The following CACNA2D3 variants were observed in gnomAD, a reference collection of about 807,000 sequenced individuals.
CACNA2D3 encodes voltage-dependent calcium channel subunit alpha-2/delta-3.
Under a neutral mutation model 160.6 loss-of-function variants are expected in CACNA2D3, and 60 were observed. The observed-to-expected ratio is 0.37, with a 90% CI of 0.30 to 0.46. The LOEUF (loss-of-function observed/expected upper bound fraction) is 0.46, where lower values mean the gene tolerates loss of function less well. Ranked by LOEUF, CACNA2D3 falls within the 20% of genes least tolerant of loss-of-function variation. CACNA2D3 has a pLI of 1.00. For synonymous variants in CACNA2D3, 558 were observed against 492.9 expected (o/e 1.13, Z -1.75); for missense variants, 1,205 against 1,365.0 (o/e 0.88, Z 1.85).
At chr3:55,024,366 C>T (rs966649116) in intron 35 of CACNA2D3, among the ~76,000 whole-genome samples, 21 of 151,918 alleles carry the variant, frequency 1.4e-4, no homozygotes, top group African/African-American at 4.8e-4. Context: ...GTAACATGTG[C>T]ATAAGGCTAT....
At chr3:54,251,934 C>T (rs545787225) in intron 2 of CACNA2D3, among the ~76,000 whole-genome samples, 7 of 152,238 alleles carry the variant, frequency 4.6e-5, no homozygotes, top group African/African-American at 7.2e-5. Flanking sequence ...TTTACTGTTC[C>T]AGCTTGCCTG....
intron 4 of CACNA2D3, among the ~76,000 whole-genome samples, chr3:54,478,960 A>G (rs1575479891): frequency 6.6e-6 from 1 of 151,774 alleles, no homozygotes; most frequent in South Asian, 2.1e-4. Context: ...AACCCATCTC[A>G]TATATAGGTG....
intron 21 of CACNA2D3, among the ~76,000 whole-genome samples, chr3:54,883,704 A>T (rs527670349): frequency 1.3e-5 from 2 of 151,658 alleles, no homozygotes; most frequent in African/African-American, 4.8e-5. Context: ...TCCTTCTGCC[A>T]TGAGCACCCT....
At chr3:54,744,014 T>G (rs946629992) in intron 11 of CACNA2D3, among the ~76,000 whole-genome samples, 1 of 152,186 alleles carries the variant, frequency 6.6e-6, no homozygotes, top group Non-Finnish European at 1.5e-5. Context: ...TTACATGTGG[T>G]CATGCAAAGG....
intron 2 of CACNA2D3, among the ~76,000 whole-genome samples, chr3:54,169,225 A>G (rs1700511563): frequency 6.6e-6 from 1 of 152,230 alleles, no homozygotes; most frequent in South Asian, 2.1e-4. Flanking sequence ...GCTGAAATAG[A>G]TCAGTGTCTG....
chr3:54,264,350 C>T (rs950556035), intron 2 of CACNA2D3, among the ~76,000 whole-genome samples: 2 of 152,314 alleles, frequency 1.3e-5, no homozygotes, highest in Admixed American at 1.3e-4. Context: ...AAGTTAACCA[C>T]AGTGTCTGTG....
intron 17 of CACNA2D3, among the ~76,000 whole-genome samples, chr3:54,857,782 C>T (rs1192816303): frequency 6.6e-6 from 1 of 152,160 alleles, no homozygotes; most frequent in Non-Finnish European, 1.5e-5. Context: ...TTTGAGTGCT[C>T]TCACATAGGC....
intron 5 of CACNA2D3, among the ~76,000 whole-genome samples, chr3:54,534,829 T>G (rs892211668): frequency 1.3e-5 from 2 of 151,908 alleles, no homozygotes; most frequent in East Asian, 3.9e-4. Context: ...TAAGAGGCTG[T>G]GGTGGGAGAA....
intron 11 of CACNA2D3, among the ~76,000 whole-genome samples, chr3:54,716,638 C>T (rs1238766399): frequency 1.3e-5 from 2 of 152,090 alleles, no homozygotes; most frequent in Non-Finnish European, 2.9e-5. Flanking sequence ...TGTTAATTTA[C>T]ATTGTTAGGG....
At chr3:54,403,876 T>G (rs1247701189) in intron 4 of CACNA2D3, among the ~76,000 whole-genome samples, 1 of 152,054 alleles carries the variant, frequency 6.6e-6, no homozygotes, top group Non-Finnish European at 1.5e-5. Context: ...TGCCAAGAAA[T>G]TTTGATAACC....
chr3:54,136,261 CA>C (rs1699813392), intron 2 of CACNA2D3, among the ~76,000 whole-genome samples: 1 of 152,198 alleles, frequency 6.6e-6, no homozygotes, highest in African/African-American at 2.4e-5. Flanking sequence ...TGATAGGAGA[CA>C]GAACAATTAG....
intron 3 of CACNA2D3, among the ~76,000 whole-genome samples, chr3:54,328,917 C>T (rs1704180652): frequency 1.3e-5 from 2 of 152,166 alleles, no homozygotes; most frequent in Non-Finnish European, 2.9e-5. Context: ...CTGGGAGCAT[C>T]GGCGGCTCAA....
intron 4 of CACNA2D3, among the ~76,000 whole-genome samples, chr3:54,422,557 A>G (rs1287585503): frequency 6.6e-6 from 1 of 152,330 alleles, no homozygotes; most frequent in South Asian, 2.1e-4. Flanking sequence ...GAGTGAGTTG[A>G]CAGGAGTGGA....
chr3:54,622,243 G>A (rs941866117), intron 9 of CACNA2D3, among the ~76,000 whole-genome samples: 3 of 152,152 alleles, frequency 2.0e-5, no homozygotes, highest in African/African-American at 4.8e-5. Context: ...ACCAGCACTG[G>A]AACTCAGTCT....
chr3:54,698,844 C>A (rs1311895375), intron 11 of CACNA2D3, among the ~76,000 whole-genome samples: 1 of 152,146 alleles, frequency 6.6e-6, no homozygotes, highest in African/African-American at 2.4e-5. Context: ...TTATCTCCCA[C>A]CCTGTGTGTT....
At chr3:54,911,601 C>T (rs59003079) in intron 27 of CACNA2D3, among the ~76,000 whole-genome samples, 60,483 of 151,638 alleles carry the variant, frequency 0.4, 12,898 homozygotes, top group East Asian at 0.68. Context: ...AGAGTCTGAC[C>T]ACTTCTCAGC....
chr3:54,560,007 C>G (rs771614754), intron 5 of CACNA2D3, among the ~76,000 whole-genome samples: 10 of 152,086 alleles, frequency 6.6e-5, no homozygotes, highest in Non-Finnish European at 1.2e-4. Flanking sequence ...TAAGTTGATT[C>G]CATGTCTTTA....
chr3:54,708,873 C>A (rs919269309), intron 11 of CACNA2D3, among the ~76,000 whole-genome samples: 1 of 152,046 alleles, frequency 6.6e-6, no homozygotes, highest in Non-Finnish European at 1.5e-5. Flanking sequence ...TTTTCTGTAA[C>A]CCTATTGATT....
intron 14 of CACNA2D3, among the ~76,000 whole-genome samples, chr3:54,832,499 A>G (rs778894720): frequency 3.3e-5 from 5 of 152,192 alleles, no homozygotes; most frequent in East Asian, 1.9e-4. Flanking sequence ...CCATTTACCA[A>G]TATCCTTAAG....
Sources: allele counts gnomAD v4.1 joint callset (sites outside exome capture counted in the v4.1 genomes callset), GRCh38; gene constraint gnomAD v4.1.1; transcripts MANE v1.5; gene names NCBI Gene and HGNC (gene_info 2026-07-23, HGNC 2026-07-21).